GRM1: variants seen among roughly 807,000 people sequenced by gnomAD.
The protein encoded by GRM1 is glutamate metabotropic receptor 1, also known as metabotropic glutamate receptor 1.
A neutral mutation model predicts 90.9 loss-of-function variants in GRM1; 33 were observed. That is an observed-to-expected ratio of 0.36 (90% CI 0.28 to 0.49). The LOEUF is 0.49. Ranked by LOEUF, GRM1 falls within the 20% of genes least tolerant of loss-of-function variation. GRM1 has a pLI of 0.99. For missense variants in GRM1, 1,190 were observed against 1,534.3 expected (o/e 0.78, Z 3.75); for synonymous variants, 700 against 613.2 (o/e 1.14, Z -2.09).
rs1207362157 is a variant in GRM1, at chr6:146,107,818, T to C, written c.701-51530T>C. 2.0e-5 allele frequency among the ~76,000 whole-genome samples: 3 copies of C among 152,154 alleles called. No homozygotes were observed. The East Asian group carries it at 5.8e-4, about 29-fold the overall frequency. Reference sequence around the variant, plus strand: ...TATCTGAGAGGCCACTTCCCTAATATAAGGGAATGCTTTTTCCCTCCTTAT... The same window carrying C: ...TATCTGAGAGGCCACTTCCCTAATACAAGGGAATGCTTTTTCCCTCCTTAT... On this transcript the variant is annotated intron_variant, in intron 1 of 7. Transcript: ENST00000282753.
At chr6:146,193,772 T>C (rs775244734) in intron 2 of GRM1, among the ~76,000 whole-genome samples, 2 of 152,188 alleles carry the variant, frequency 1.3e-5, no homozygotes, top group African/African-American at 2.4e-5. Flanking sequence ...CATTCTACTG[T>C]ATTTTTAACT....
In GRM1 at chr6:146,185,007, C is replaced by T. The variant is rs142817545; in HGVS notation, c.950+25410C>T. On this transcript the variant is annotated intron_variant, in intron 2 of 7. Transcript: ENST00000282753. ...TCATTCTCCAGTAAAATGTTAGTAA[C>T]AAACATGTAATATCTGGTCAACAAA... Among the ~76,000 whole-genome samples, 434 of 152,290 alleles carry T rather than the reference C, an allele frequency of 2.8e-3. 3 individuals carry two copies. The highest frequency in any genetic ancestry group is 9.4e-3 in the African/African-American group (392 of 41,560).
intron 5 of GRM1, among the ~76,000 whole-genome samples, chr6:146,368,264 G>GT (rs1775770594): frequency 7.2e-6 from 1 of 139,338 alleles, no homozygotes; most frequent in African/African-American, 2.7e-5. Context: ...TTTTTTTGGG[G>GT]GGGGGGGTAG....
intron 7 of GRM1, among the ~76,000 whole-genome samples, chr6:146,408,872 T>A (rs1343634790): frequency 6.6e-6 from 1 of 152,100 alleles, no homozygotes; most frequent in Non-Finnish European, 1.5e-5. Context: ...AACTTAAAAG[T>A]GAAGCAGACT....
chr6:146,341,463 TG>T (rs1190915589), intron 3 of GRM1, among the ~76,000 whole-genome samples: 1 of 152,170 alleles, frequency 6.6e-6, no homozygotes, highest in Admixed American at 6.5e-5. Flanking sequence ...ATGGAATAAG[TG>T]TAGACAAATA....
chr6:146,086,207 G>T (rs1056809566), intron 1 of GRM1, among the ~76,000 whole-genome samples: 1 of 152,128 alleles, frequency 6.6e-6, no homozygotes, highest in African/African-American at 2.4e-5. Flanking sequence ...TTTTCGTAAA[G>T]GCTAAATTAG....
chr6:146,287,729 A>G (rs1782816010), intron 2 of GRM1, among the ~76,000 whole-genome samples: 1 of 152,210 alleles, frequency 6.6e-6, no homozygotes, highest in South Asian at 2.1e-4. Context: ...AAAGTGTGGT[A>G]ATAGAAGAAG....
intron 1 of GRM1, among the ~76,000 whole-genome samples, chr6:146,101,856 TATA>T (rs1777063021): frequency 6.7e-6 from 1 of 148,986 alleles, no homozygotes; most frequent in African/African-American, 2.4e-5. Flanking sequence ...ATAATATAAT[TATA>T]ATAATACATA....
intron 5 of GRM1, among the ~76,000 whole-genome samples, chr6:146,381,437 T>C (rs1776314420): frequency 6.6e-6 from 1 of 152,182 alleles, no homozygotes. Flanking sequence ...TCACAATTAC[T>C]GTGTTTTCCC....
chr6:146,190,551 G>A (rs1443933338), intron 2 of GRM1, among the ~76,000 whole-genome samples: 2 of 152,142 alleles, frequency 1.3e-5, no homozygotes, highest in Non-Finnish European at 2.9e-5. Context: ...CTCTCAAAAC[G>A]AGATTACGGA....
intron 2 of GRM1, among the ~76,000 whole-genome samples, chr6:146,213,307 G>A (rs1779743280): frequency 1.3e-5 from 2 of 152,046 alleles, no homozygotes; most frequent in Admixed American, 1.3e-4. Context: ...GATTGGGTGG[G>A]GGGCGGTAAG....
chr6:146,174,879 G>C (rs1778279084), intron 2 of GRM1, among the ~76,000 whole-genome samples: 1 of 152,182 alleles, frequency 6.6e-6, no homozygotes. Flanking sequence ...CCATTGCCAT[G>C]GCTCAGATTC....
chr6:146,431,084 A>T (rs149135629), intron 7 of GRM1, among the ~76,000 whole-genome samples: 76 of 152,322 alleles, frequency 5.0e-4, no homozygotes, highest in African/African-American at 1.7e-3. Flanking sequence ...GAGATGATAC[A>T]TTCCTTCTAC....
chr6:146,384,723 C>T (rs1380494983), intron 5 of GRM1, among the ~76,000 whole-genome samples: 2 of 151,172 alleles, frequency 1.3e-5, no homozygotes, highest in East Asian at 1.9e-4. Flanking sequence ...CAGTCAAGGG[C>T]GTTAAAACAC....
At chr6:146,255,104 T>C (rs1333377279) in intron 2 of GRM1, among the ~76,000 whole-genome samples, 1 of 152,218 alleles carries the variant, frequency 6.6e-6, no homozygotes, top group Non-Finnish European at 1.5e-5. Context: ...AGTTTTCTGC[T>C]CTGCACACAA....
At chr6:146,370,764 T>C (rs2115092063) in intron 5 of GRM1, among the ~76,000 whole-genome samples, 1 of 152,168 alleles carries the variant, frequency 6.6e-6, no homozygotes, top group Middle Eastern at 3.4e-3. Context: ...GACTGAGGCT[T>C]GTGCAAGGTA....
At chr6:146,426,542 T>A (rs1474681600) in intron 7 of GRM1, 1 of 1,608,526 alleles carries the variant, frequency 6.2e-7, no homozygotes, top group South Asian at 1.1e-5. Flanking sequence ...GGGTGTCTTT[T>A]TCTTTTCAAT....
intron 1 of GRM1, among the ~76,000 whole-genome samples, chr6:146,146,101 A>ATTTT (rs1316492768): frequency 3.4e-5 from 1 of 29,522 alleles, no homozygotes; most frequent in Non-Finnish European, 8.5e-5. Context: ...CTACCATTGT[A>ATTTT]TCTTTTTTTT....
At chr6:146,234,426 G>A (rs1316081477) in intron 2 of GRM1, among the ~76,000 whole-genome samples, 2 of 151,732 alleles carry the variant, frequency 1.3e-5, no homozygotes, top group African/African-American at 4.8e-5. Context: ...CTTTGGGATT[G>A]GGTTTTCAAT....
Sources: gnomAD v4.1 joint callset for allele counts (sites outside exome capture counted in the v4.1 genomes callset) on GRCh38, gnomAD v4.1.1 for gene constraint, MANE v1.5 for transcripts, NCBI Gene and HGNC (gene_info 2026-07-23, HGNC 2026-07-21) for gene names.